Variants in KPNA3 observed in about 807,000 individuals in gnomAD.
KPNA3 encodes importin subunit alpha-4.
A neutral mutation model predicts 73.8 loss-of-function variants in KPNA3; 13 were observed. The observed-to-expected ratio is 0.18, with a 90% CI of 0.11 to 0.28. The LOEUF is 0.28. Ranked by LOEUF, KPNA3 falls within the 10% of genes least tolerant of loss-of-function variation. The probability of loss-of-function intolerance (pLI) is 1.00; values close to 1 mark genes in which losing one functional copy is unlikely to be tolerated. For missense variants in KPNA3, 360 were observed against 618.1 expected (o/e 0.58, Z 4.43); for synonymous variants, 186 against 206.9 (o/e 0.90, Z 0.87).
intron 1 of KPNA3, among the ~76,000 whole-genome samples, chr13:49,779,412 C>T (rs1281558495): frequency 2.0e-5 from 3 of 152,172 alleles, no homozygotes; most frequent in Middle Eastern, 3.2e-3. Context: ...TTCCCTACCC[C>T]TAATGCAGCC....
intron 1 of KPNA3, among the ~76,000 whole-genome samples, chr13:49,764,269 T>C (rs1954792306): frequency 6.6e-6 from 1 of 152,102 alleles, no homozygotes; most frequent in Non-Finnish European, 1.5e-5. Context: ...GTTGTTTCAA[T>C]TCTCACTCCA....
At chr13:49,738,463 C>T (rs558820442) in intron 2 of KPNA3, among the ~76,000 whole-genome samples, 34 of 152,268 alleles carry the variant, frequency 2.2e-4, no homozygotes, top group South Asian at 8.3e-4. Flanking sequence ...GTCATTATTA[C>T]GTTGAGGCTT....
chr13:49,733,600 G>A (rs1205162164), intron 2 of KPNA3, among the ~76,000 whole-genome samples: 3 of 152,102 alleles, frequency 2.0e-5, no homozygotes, highest in Non-Finnish European at 4.4e-5. Context: ...ATTTGCGTAA[G>A]TTTGCTCATA....
At position 49,724,554 on chromosome 13, in the gene KPNA3, G is replaced by A. The variant is rs191828499; in HGVS notation, c.469+862C>T. ...GATCTCCTGACCTCGTGATCCACCC[G>A]CCTCGGCCTCCCAAAGTGCTGGGAT... On this transcript the variant is annotated intron_variant, in intron 7 of 16. Coordinates refer to ENST00000261667, the MANE Select transcript of KPNA3 (RefSeq NM_002267.4). Among the ~76,000 whole-genome samples, 30 of 152,110 alleles carry A rather than the reference G, an allele frequency of 2.0e-4. No individual in the cohort carries two copies. In the East Asian group the frequency reaches 3.5e-3, roughly 18 times the overall value.
intron 2 of KPNA3, among the ~76,000 whole-genome samples, chr13:49,737,273 C>G (rs976324710): frequency 6.6e-6 from 1 of 152,166 alleles, no homozygotes; most frequent in Non-Finnish European, 1.5e-5. Context: ...AAAAAACTGA[C>G]AAACTGTTTT....
chr13:49,710,243 C>A (rs1954248028), intron 11 of KPNA3, among the ~76,000 whole-genome samples: 2 of 152,146 alleles, frequency 1.3e-5, no homozygotes, highest in Non-Finnish European at 2.9e-5. Flanking sequence ...GCTTGGGCGA[C>A]AGAACAAGAC....
chr13:49,788,722 T>C (rs1450094853), intron 1 of KPNA3, among the ~76,000 whole-genome samples: 3 of 98,072 alleles, frequency 3.1e-5, no homozygotes. Context: ...ACCCTCTTTT[T>C]TTTTTTTTTT....
At chr13:49,738,027 C>T (rs1954540558) in intron 2 of KPNA3, among the ~76,000 whole-genome samples, 1 of 152,076 alleles carries the variant, frequency 6.6e-6, no homozygotes, top group Non-Finnish European at 1.5e-5. Flanking sequence ...TTTCCTAAAA[C>T]TTTTATAGCT....
intron 1 of KPNA3, among the ~76,000 whole-genome samples, chr13:49,779,658 A>G (rs756303363): frequency 1.3e-5 from 2 of 152,208 alleles, no homozygotes; most frequent in Non-Finnish European, 2.9e-5. Context: ...AAACAAACGA[A>G]CAGCCTTCTT....
intron 9 of KPNA3, among the ~76,000 whole-genome samples, chr13:49,720,955 A>T (rs1954350939): frequency 6.6e-6 from 1 of 152,162 alleles, no homozygotes; most frequent in South Asian, 2.1e-4. Context: ...GCAGTGGCTC[A>T]CACCTGTAAT....
At chr13:49,746,026 G>A (rs1445615493) in intron 2 of KPNA3, among the ~76,000 whole-genome samples, 4 of 134,266 alleles carry the variant, frequency 3.0e-5, no homozygotes, top group Non-Finnish European at 6.1e-5. Flanking sequence ...TCACAGTACT[G>A]CACTCCAGCT....
chr13:49,763,177 G>T (rs111308662), intron 1 of KPNA3, among the ~76,000 whole-genome samples: 4,316 of 152,120 alleles, frequency 0.028, 212 homozygotes, highest in African/African-American at 0.098. Context: ...CAGAAGAAAT[G>T]ATCAGAAATG....
At chr13:49,725,098 A>G (rs1238480697) in intron 7 of KPNA3, among the ~76,000 whole-genome samples, 1 of 152,200 alleles carries the variant, frequency 6.6e-6, no homozygotes, top group Non-Finnish European at 1.5e-5. Flanking sequence ...GAGGAAAGTA[A>G]AATTTAAAAT....
At chr13:49,740,816 C>A (rs534430257) in intron 2 of KPNA3, among the ~76,000 whole-genome samples, 2 of 152,230 alleles carry the variant, frequency 1.3e-5, no homozygotes, top group East Asian at 3.9e-4. Context: ...CTGTACCCCC[C>A]ACCCCTGGCC....
At chr13:49,789,938 C>T (rs561840331) in intron 1 of KPNA3, among the ~76,000 whole-genome samples, 1 of 152,270 alleles carries the variant, frequency 6.6e-6, no homozygotes, top group East Asian at 1.9e-4. Flanking sequence ...TTTCTGCTCA[C>T]CTCCAAGTAG....
chr13:49,760,747 C>G (rs1220414806), intron 1 of KPNA3, among the ~76,000 whole-genome samples: 3 of 152,112 alleles, frequency 2.0e-5, no homozygotes, highest in Non-Finnish European at 4.4e-5. Context: ...ACTGGGCTGT[C>G]CCAGTGCCTG....
chr13:49,720,729 C>CAAAAA (rs10707385), intron 9 of KPNA3, among the ~76,000 whole-genome samples: 2 of 88,018 alleles, frequency 2.3e-5, no homozygotes, highest in East Asian at 3.1e-4. Context: ...GAGACTGTCT[C>CAAAAA]AAAAAAAAAA....
intron 10 of KPNA3, among the ~76,000 whole-genome samples, chr13:49,718,102 G>GC (rs775526557): frequency 3.9e-5 from 6 of 151,962 alleles, no homozygotes; most frequent in Non-Finnish European, 8.8e-5. Context: ...CTCATTCATT[G>GC]CATGACCTTA....
chr13:49,740,370 G>A (rs1474888057), intron 2 of KPNA3, among the ~76,000 whole-genome samples: 1 of 151,992 alleles, frequency 6.6e-6, no homozygotes, highest in African/African-American at 2.4e-5. Flanking sequence ...ATTAACTATA[G>A]TTCATAACCA....
Sources: gnomAD v4.1 joint callset for allele counts (sites outside exome capture counted in the v4.1 genomes callset) on GRCh38, gnomAD v4.1.1 for gene constraint, MANE v1.5 for transcripts, NCBI Gene and HGNC (gene_info 2026-07-23, HGNC 2026-07-21) for gene names.